Variants in CTH observed in about 807,000 individuals in gnomAD.
CTH encodes cystathionase (cystathionine gamma-lyase).
A neutral mutation model predicts 50.6 loss-of-function variants in CTH; 41 were observed. That is an observed-to-expected ratio of 0.81 (90% CI 0.63 to 1.05). CTH has a LOEUF of 1.05. Ranked by LOEUF, CTH falls within the 50% of genes least tolerant of loss-of-function variation. The pLI is 0.00. For synonymous variants in CTH, 156 were observed against 168.9 expected, an observed-to-expected ratio of 0.92 and a Z score of 0.59; for missense variants, 470 against 492.6, an observed-to-expected ratio of 0.95 and a Z score of 0.43.
At chr1:70,415,896 G>A (rs1432200732) in intron 1 of CTH, 60 bp from the exon 2 acceptor site, 1 of 896,160 alleles carries the variant, frequency 1.1e-6, no homozygotes, top group African/African-American at 1.6e-5. Context: ...AGTTCTCTAT[G>A]TTAGGACTCT....
chr1:70,428,598 ATATTTATTTATT>A (rs59410935), intron 5 of CTH, among the ~76,000 whole-genome samples: 3 of 150,134 alleles, frequency 2.0e-5, no homozygotes, highest in Non-Finnish European at 3.0e-5. Flanking sequence ...AGTTTCAGAC[ATATTTATTTATT>A]TATTTATTTA....
At chr1:70,420,962 A>G (rs1684207134) in intron 3 of CTH, among the ~76,000 whole-genome samples, 1 of 152,108 alleles carries the variant, frequency 6.6e-6, no homozygotes, top group Non-Finnish European at 1.5e-5. Context: ...TTGAGTATCA[A>G]TATCAATTTT....
chr1:70,416,478 C>T (rs939056982), intron 2 of CTH, among the ~76,000 whole-genome samples: 10 of 152,002 alleles, frequency 6.6e-5, no homozygotes, highest in African/African-American at 2.2e-4. Context: ...TTGCAACCTC[C>T]TCCTCCAGGA....
chr1:70,438,924 T>A, intron 11 of CTH, 98 bp downstream of exon 11: 5 of 1,604,662 alleles, frequency 3.1e-6, no homozygotes, highest in Non-Finnish European at 4.3e-6. Flanking sequence ...GGTCTCACTG[T>A]GAACTCTAAA....
intron 1 of CTH, among the ~76,000 whole-genome samples, chr1:70,412,467 ATGG>A (rs1432634080): frequency 6.6e-6 from 1 of 152,104 alleles, no homozygotes; most frequent in African/African-American, 2.4e-5. Flanking sequence ...TTAGCTGGGC[ATGG>A]TGGCGGGTAA....
At chr1:70,428,598 A>ATATT (rs59410935) in intron 5 of CTH, among the ~76,000 whole-genome samples, 1 of 150,136 alleles carries the variant, frequency 6.7e-6, no homozygotes, top group Non-Finnish European at 1.5e-5. Context: ...AGTTTCAGAC[A>ATATT]TATTTATTTA....
intron 5 of CTH, among the ~76,000 whole-genome samples, chr1:70,426,471 A>T (rs748019810): frequency 2.0e-5 from 3 of 152,174 alleles, no homozygotes; most frequent in Admixed American, 6.5e-5. Flanking sequence ...GGGTCCCTGA[A>T]GTTGATCCAG....
At chr1:70,421,236 G>A (rs1428669896) in intron 3 of CTH, among the ~76,000 whole-genome samples, 1 of 152,124 alleles carries the variant, frequency 6.6e-6, no homozygotes, top group Non-Finnish European at 1.5e-5. Flanking sequence ...TTAGAGTTGA[G>A]AACTAGGTAG....
intron 2 of CTH, among the ~76,000 whole-genome samples, chr1:70,416,808 C>T (rs756737677): frequency 1.1e-4 from 16 of 151,940 alleles, no homozygotes; most frequent in Non-Finnish European, 1.9e-4. Flanking sequence ...CGTGATCTCC[C>T]GCCTTGGACT....
chr1:70,417,577 G>A (rs1374015635), intron 2 of CTH, among the ~76,000 whole-genome samples: 2 of 152,104 alleles, frequency 1.3e-5, no homozygotes, highest in Non-Finnish European at 2.9e-5. Flanking sequence ...TAGCCACCAC[G>A]CCTGCCCTGA....
At position 70,439,152 on chromosome 1, in the gene CTH, T is replaced by G; in HGVS notation, c.*25T>G. ...GTATTCCAGAGCTGCTATTAGAAGC[T>G]GCTTCCTGTGAAGATCAAATCTTCC... On this transcript the variant is annotated 3_prime_UTR_variant, in exon 12 of 12. Coordinates refer to ENST00000370938, the MANE Select transcript of CTH (RefSeq NM_001902.6). 1 of 1,606,020 alleles carries G rather than the reference T, an allele frequency of 6.2e-7. No homozygotes were observed. Among genetic ancestry groups the G allele is most frequent in the Non-Finnish European group, 8.5e-7 (1 of 1,172,566 alleles).
chr1:70,436,081 G>A (rs777260868), intron 10 of CTH, among the ~76,000 whole-genome samples: 7 of 152,012 alleles, frequency 4.6e-5, no homozygotes, highest in Non-Finnish European at 7.4e-5. Context: ...TTGGGAGGCC[G>A]AGGTGGGCCA....
intron 1 of CTH, 92 bp downstream of exon 1, chr1:70,411,675 G>T: frequency 6.6e-7 from 1 of 1,520,214 alleles, no homozygotes; most frequent in South Asian, 1.3e-5. Context: ...TTTATAATAT[G>T]ACTTATAAAT....
chr1:70,438,608 G>T, intron 10 of CTH, 80 bp from the exon 11 acceptor site: 1 of 1,497,586 alleles, frequency 6.7e-7, no homozygotes, highest in African/African-American at 1.4e-5. Flanking sequence ...AATGTTGAGG[G>T]TAATTGCAGT....
At chr1:70,414,832 T>C (rs951298095) in intron 1 of CTH, among the ~76,000 whole-genome samples, 1 of 151,966 alleles carries the variant, frequency 6.6e-6, no homozygotes, top group African/African-American at 2.4e-5. Context: ...AATTTTTTTT[T>C]TTCCCGAGAC....
intron 1 of CTH, among the ~76,000 whole-genome samples, chr1:70,414,191 G>A (rs79061481): frequency 6.6e-6 from 1 of 151,542 alleles, no homozygotes; most frequent in Non-Finnish European, 1.5e-5. Flanking sequence ...TGGTGGGGAG[G>A]GGTAAGGATA....
At chr1:70,434,496 A>G (rs1684550285) in intron 9 of CTH, among the ~76,000 whole-genome samples, 1 of 152,212 alleles carries the variant, frequency 6.6e-6, no homozygotes, top group African/African-American at 2.4e-5. Flanking sequence ...AGATTAGTCA[A>G]AGTGTTCCTG....
intron 5 of CTH, among the ~76,000 whole-genome samples, chr1:70,428,606 TTATTTA>T (rs1027257425): frequency 1.3e-5 from 2 of 149,918 alleles, no homozygotes; most frequent in Non-Finnish European, 3.0e-5. Flanking sequence ...ACATATTTAT[TTATTTA>T]TTTATTTATT....
Position 70,424,327 on chromosome 1 carries a change from AT to A in CTH, c.501del (p.Ile167MetfsTer48). On this transcript the variant is annotated frameshift_variant, in exon 5 of 12. Transcript: ENST00000370938. LOFTEE classifies it high-confidence loss of function. The stretch of plus-strand genomic sequence containing the variant: ...CCCCACAAACCCCACCCAGAAGGTG[AT>A]TGACATTGAAGGCTGTGCACATATT... Reference protein sequence around the residue: ...ETPTNPTQKVIDIEGCAHIVH... With the variant: ...ETPTNPTQKVXDIEGCAHIVH... The A allele has an allele frequency of 2.5e-6, 4 of 1,614,128 alleles. No homozygotes were observed. Among genetic ancestry groups the A allele is most frequent in the Non-Finnish European group, 3.4e-6 (4 of 1,180,014 alleles).
Sources: allele counts gnomAD v4.1 joint callset (sites outside exome capture counted in the v4.1 genomes callset), GRCh38; gene constraint gnomAD v4.1.1; transcripts MANE v1.5; gene names NCBI Gene and HGNC (gene_info 2026-07-23, HGNC 2026-07-21).